Variants in RABGEF1 observed in about 807,000 individuals in gnomAD.
RABGEF1 encodes the protein RAB guanine nucleotide exchange factor 1, also known as rab5 GDP/GTP exchange factor.
Under a neutral mutation model 57.3 loss-of-function variants are expected in RABGEF1, and 26 were observed. That is an observed-to-expected ratio of 0.45 (90% CI 0.33 to 0.63). The LOEUF (loss-of-function observed/expected upper bound fraction) is 0.63. Ranked by LOEUF, RABGEF1 falls within the 20% of genes least tolerant of loss-of-function variation. RABGEF1 has a pLI of 0.02. For missense variants in RABGEF1, 464 were observed against 607.6 expected, an observed-to-expected ratio of 0.76 and a Z score of 2.48; for synonymous variants, 185 against 210.7, an observed-to-expected ratio of 0.88 and a Z score of 1.06.
At chr7:66,677,737 G>A (rs569915218), upstream of RABGEF1, among the ~76,000 whole-genome samples, 2 of 148,664 alleles carry the variant, frequency 1.3e-5, no homozygotes, top group East Asian at 4.0e-4. Context: ...ACTCCAGCCT[G>A]GGTGACAAAG....
chr7:66,714,324 C>A (rs751330860), intron 2 of RABGEF1, among the ~76,000 whole-genome samples: 3 of 152,216 alleles, frequency 2.0e-5, no homozygotes, highest in Non-Finnish European at 4.4e-5. Flanking sequence ...TGGTTCATTT[C>A]ATCTACATTG....
At position 66,773,094 on chromosome 7, in the gene RABGEF1, TTC is replaced by T. The variant is rs201620025; in HGVS notation, c.179+1017_179+1018del. 3.1e-3 allele frequency among the ~76,000 whole-genome samples: 460 copies of T among 150,670 alleles called. 1 individual carries two copies. The Middle Eastern group carries it at 0.031, about 10-fold the overall frequency. On this transcript the variant is annotated intron_variant, in intron 2 of 8. Transcript: ENST00000284957. ...CTAGCTAGTTGTTTGTTTTTTTTTTTTCATCCAGTCAGCCAATATTTGTTGAG... is the reference window on the plus strand; with the variant it reads ...CTAGCTAGTTGTTTGTTTTTTTTTTTATCCAGTCAGCCAATATTTGTTGAG...
At chr7:66,801,426 A>C (rs1194898200) in intron 7 of RABGEF1, among the ~76,000 whole-genome samples, 1 of 152,130 alleles carries the variant, frequency 6.6e-6, no homozygotes, top group Non-Finnish European at 1.5e-5. Context: ...TTTAATGTAC[A>C]ATTAAATTAC....
At chr7:66,755,930 A>G in intron 1 of RABGEF1, 2 of 634,244 alleles carry the variant, frequency 3.2e-6, no homozygotes, top group Non-Finnish European at 2.5e-6. Context: ...ATGTTTTGTT[A>G]TATTTAACAT....
intron 2 of RABGEF1, among the ~76,000 whole-genome samples, chr7:66,718,344 C>G (rs908002688): frequency 2.6e-5 from 4 of 152,116 alleles, no homozygotes; most frequent in Non-Finnish European, 5.9e-5. Context: ...AAGACTCTGT[C>G]TAAAAATGAA....
At chr7:66,806,239 C>T (rs545124809) in intron 8 of RABGEF1, among the ~76,000 whole-genome samples, 26 of 152,254 alleles carry the variant, frequency 1.7e-4, no homozygotes, top group African/African-American at 6.3e-4. Flanking sequence ...AAAAAAGTCT[C>T]ACAGGTACGT....
intron 7 of RABGEF1, among the ~76,000 whole-genome samples, chr7:66,802,880 G>A (rs1458471490): frequency 6.6e-6 from 1 of 151,856 alleles, no homozygotes; most frequent in South Asian, 2.1e-4. Flanking sequence ...CAGTAAAGAT[G>A]AACAGGATGC....
At chr7:66,758,675 C>T (rs1803399443) in intron 1 of RABGEF1, among the ~76,000 whole-genome samples, 1 of 152,082 alleles carries the variant, frequency 6.6e-6, no homozygotes, top group Non-Finnish European at 1.5e-5. Context: ...GATGTCCAAT[C>T]TGGGTGTGCC....
At chr7:66,742,826 C>T (rs1280481514) in intron 1 of RABGEF1, among the ~76,000 whole-genome samples, 2 of 152,134 alleles carry the variant, frequency 1.3e-5, no homozygotes, top group African/African-American at 4.8e-5. Flanking sequence ...TGGCTGATCT[C>T]AAACTCCTGC....
At chr7:66,699,158 TCCC>T (rs1003289116) in intron 1 of RABGEF1, among the ~76,000 whole-genome samples, 2 of 151,910 alleles carry the variant, frequency 1.3e-5, no homozygotes, top group African/African-American at 4.8e-5. Context: ...GTCCATTCTC[TCCC>T]CCGAGCTCTG....
the RABGEF1 span, among the ~76,000 whole-genome samples, chr7:66,658,845 C>T: frequency 4.1e-4 from 63 of 152,072 alleles, no homozygotes; most frequent in Non-Finnish European, 8.2e-4. Context: ...ACGCCATTCT[C>T]CTGCCTCAGC....
In RABGEF1 at chr7:66,688,085, CA is replaced by C. The variant is rs60925853; in HGVS notation, c.-873+5849del. On this transcript the variant is annotated intron_variant and NMD_transcript_variant, in intron 1 of 9. Coordinates refer to the RABGEF1 transcript ENST00000607882. ...GGGCAACAAGAGTGAAACTCTGTGT[CA>C]AAAAAAAAAAAAAAAAAAAAAGTAA... 2.1e-3 allele frequency among the ~76,000 whole-genome samples: 224 copies of C among 109,100 alleles called. 1 individual carries two copies. Among genetic ancestry groups the C allele is most frequent in the East Asian group, 0.013 (52 of 3,920 alleles). 71.6% of individuals were successfully genotyped at this position (109,100 alleles called of 152,430 possible). A position where few individuals can be genotyped will look rare whatever the true frequency, so the allele number is the denominator to read the frequency against.
upstream of RABGEF1, among the ~76,000 whole-genome samples, chr7:66,681,784 G>A (rs1789761748): frequency 6.6e-6 from 1 of 152,174 alleles, no homozygotes; most frequent in East Asian, 1.9e-4. Context: ...TCGGCGCAGT[G>A]GCTCCGCTCC....
chr7:66,744,144 G>A (rs1422878414), intron 1 of RABGEF1, among the ~76,000 whole-genome samples: 1 of 151,142 alleles, frequency 6.6e-6, no homozygotes, highest in African/African-American at 2.4e-5. Context: ...CAAGCGATTT[G>A]TGTGCCTCAG....
chr7:66,727,196 A>G (rs1360695213), intron 2 of RABGEF1, among the ~76,000 whole-genome samples: 1 of 152,224 alleles, frequency 6.6e-6, no homozygotes, highest in Non-Finnish European at 1.5e-5. Context: ...TTGGCTGTAG[A>G]ATCGGGATCT....
chr7:66,686,518 A>G (rs1790661003), intron 1 of RABGEF1, among the ~76,000 whole-genome samples: 1 of 152,218 alleles, frequency 6.6e-6, no homozygotes, highest in African/African-American at 2.4e-5. Context: ...TGAAAATCTT[A>G]TTAAATATAC....
intron 2 of RABGEF1, among the ~76,000 whole-genome samples, chr7:66,727,630 A>G (rs1796734377): frequency 6.6e-6 from 1 of 152,212 alleles, no homozygotes; most frequent in African/African-American, 2.4e-5. Flanking sequence ...CAAGGCCCAC[A>G]GCCTGTGCAG....
chr7:66,797,632 A>G, intron 6 of RABGEF1, 126 bp downstream of exon 6: 1 of 1,048,448 alleles, frequency 9.5e-7, no homozygotes, highest in Non-Finnish European at 1.4e-6. Context: ...CTGCTTCCTT[A>G]GAGTGGAAGC....
Position 66,703,280 on chromosome 7 carries a change from A to C in RABGEF1, c.-872-8887A>C, listed in dbSNP as rs112358096. On this transcript the variant is annotated intron_variant and NMD_transcript_variant, in intron 1 of 9. Coordinates refer to the RABGEF1 transcript ENST00000607882. ...AGCCACCGTGCCTGGCCTGTATGTA[A>C]GTTTTTTATTTGGATGAAGTTCAAC... Among the ~76,000 whole-genome samples, 434 of 152,128 alleles carry C rather than the reference A, an allele frequency of 2.9e-3. 1 individual carries two copies. Among genetic ancestry groups the C allele is most frequent in the African/African-American group, 0.01 (416 of 41,556 alleles).
Sources: gnomAD v4.1 joint callset for allele counts (sites outside exome capture counted in the v4.1 genomes callset) on GRCh38, gnomAD v4.1.1 for gene constraint, MANE v1.5 for transcripts, NCBI Gene and HGNC (gene_info 2026-07-23, HGNC 2026-07-21) for gene names.